CDH18: variants seen among roughly 807,000 people sequenced by gnomAD.
CDH18 encodes the protein cadherin-18.
Under a neutral mutation model 67.9 loss-of-function variants are expected in CDH18, and 31 were observed. The observed-to-expected ratio is 0.46, with a 90% CI of 0.34 to 0.62. CDH18 has a LOEUF of 0.62. Ranked by LOEUF, CDH18 falls within the 20% of genes least tolerant of loss-of-function variation. The pLI is 0.01. For missense variants in CDH18, 890 were observed against 975.5 expected, an observed-to-expected ratio of 0.91 and a Z score of 1.17; for synonymous variants, 362 against 347.2, an observed-to-expected ratio of 1.04 and a Z score of -0.48.
intron 1 of CDH18, among the ~76,000 whole-genome samples, chr5:20,361,493 C>A (rs924582315): frequency 6.6e-6 from 1 of 151,814 alleles, no homozygotes; most frequent in African/African-American, 2.4e-5. Flanking sequence ...TCTTTATGTT[C>A]TTATTGGAAT....
At chr5:20,311,481 T>A (rs1360509723) in intron 1 of CDH18, among the ~76,000 whole-genome samples, 1 of 152,126 alleles carries the variant, frequency 6.6e-6, no homozygotes, top group Non-Finnish European at 1.5e-5. Context: ...AAGGATAAGT[T>A]CATGTCCTTT....
chr5:19,975,029 A>C (rs1404356227), intron 2 of CDH18, among the ~76,000 whole-genome samples: 1 of 152,170 alleles, frequency 6.6e-6, no homozygotes, highest in East Asian at 1.9e-4. Flanking sequence ...CCAAGAAGGA[A>C]ATGTCATATA....
intron 1 of CDH18, among the ~76,000 whole-genome samples, chr5:20,543,265 A>G (rs967122789): frequency 2.1e-5 from 1 of 48,298 alleles, no homozygotes; most frequent in African/African-American, 5.5e-5. Flanking sequence ...TTAAAAACTT[A>G]TATTTCATCT....
At chr5:19,748,061 C>T (rs1399457758) in intron 3 of CDH18, among the ~76,000 whole-genome samples, 1 of 128,340 alleles carries the variant, frequency 7.8e-6, no homozygotes, top group African/African-American at 3.0e-5. Flanking sequence ...TGCAGTGAGC[C>T]GAGATCGCGC....
intron 10 of CDH18, among the ~76,000 whole-genome samples, chr5:19,508,425 CT>C (rs1017491581): frequency 2.6e-5 from 4 of 151,994 alleles, no homozygotes; most frequent in African/African-American, 9.7e-5. Context: ...CTAAGAATAT[CT>C]TTTTTGATTC....
intron 2 of CDH18, among the ~76,000 whole-genome samples, chr5:19,995,307 A>C (rs181465085): frequency 1.2e-4 from 18 of 152,266 alleles, no homozygotes; most frequent in African/African-American, 4.1e-4. Flanking sequence ...ATAGAAAACT[A>C]TCAGGCATAT....
intron 2 of CDH18, among the ~76,000 whole-genome samples, chr5:20,097,896 CTT>C (rs1746125511): frequency 6.6e-6 from 1 of 152,060 alleles, no homozygotes; most frequent in Admixed American, 6.5e-5. Flanking sequence ...GGAAATTCGA[CTT>C]TTGTGATAGT....
At chr5:20,068,706 A>C (rs1271843330) in intron 2 of CDH18, among the ~76,000 whole-genome samples, 1 of 152,178 alleles carries the variant, frequency 6.6e-6, no homozygotes, top group Non-Finnish European at 1.5e-5. Flanking sequence ...AGAGTTGGTG[A>C]AATATCTGTG....
chr5:20,093,952 C>A (rs1266572232), intron 2 of CDH18, among the ~76,000 whole-genome samples: 1 of 152,132 alleles, frequency 6.6e-6, no homozygotes, highest in South Asian at 2.1e-4. Flanking sequence ...ATACCCAATT[C>A]TCCAGTTTGG....
rs547876416 is a variant in CDH18, at chr5:19,569,980, TA to T, written c.1253+1598del. Among the ~76,000 whole-genome samples, 411 of 152,226 alleles carry T rather than the reference TA, an allele frequency of 2.7e-3. 4 individuals are homozygous for T. The highest frequency in any genetic ancestry group is 9.2e-3 in the African/African-American group (383 of 41,554). Reference sequence around the variant, plus strand: ...CAGAAATTATCATTAGTATCACCTTTAAAAAAATATTGTCAATGTTTATTTA... The same window carrying T: ...CAGAAATTATCATTAGTATCACCTTTAAAAAATATTGTCAATGTTTATTTA... On this transcript the variant is annotated intron_variant, in intron 8 of 12. Coordinates refer to ENST00000382275, the MANE Select transcript of CDH18 (RefSeq NM_004934.5).
At chr5:19,669,497 G>T (rs986416549) in intron 5 of CDH18, among the ~76,000 whole-genome samples, 1 of 151,684 alleles carries the variant, frequency 6.6e-6, no homozygotes, top group Non-Finnish European at 1.5e-5. Flanking sequence ...CTCCATGTTG[G>T]TCAGATTGGT....
intron 2 of CDH18, among the ~76,000 whole-genome samples, chr5:20,099,419 A>C (rs1267539296): frequency 6.6e-6 from 1 of 152,214 alleles, no homozygotes; most frequent in East Asian, 1.9e-4. Context: ...ACAACTCAAA[A>C]TAAAGATAAT....
intron 9 of CDH18, among the ~76,000 whole-genome samples, chr5:19,535,950 G>T (rs547868074): frequency 2.0e-5 from 3 of 152,246 alleles, no homozygotes; most frequent in Non-Finnish European, 4.4e-5. Flanking sequence ...TTAGTGCACA[G>T]AACAAGGTTA....
chr5:20,500,515 C>T lies in CDH18; in HGVS notation c.-580+74947G>A, dbSNP rs563479758. 9.2e-5 allele frequency among the ~76,000 whole-genome samples: 14 copies of T among 152,234 alleles called. No individual in the cohort carries two copies. In the South Asian group the frequency reaches 2.7e-3, roughly 29 times the overall value. On this transcript the variant is annotated intron_variant, in intron 1 of 14. Coordinates refer to the CDH18 transcript ENST00000507958. ...CTCGCCTCTAAATTATTGTGAACAT[C>T]TGGGAACAGGTATAATGGCCTTCAT...
intron 2 of CDH18, among the ~76,000 whole-genome samples, chr5:19,848,364 G>A (rs973441677): frequency 6.6e-6 from 1 of 152,086 alleles, no homozygotes; most frequent in Non-Finnish European, 1.5e-5. Flanking sequence ...ACCAGGGCGA[G>A]GTATTATGAT....
chr5:19,858,006 G>T (rs1400969308), intron 2 of CDH18, among the ~76,000 whole-genome samples: 1 of 152,086 alleles, frequency 6.6e-6, no homozygotes, highest in African/African-American at 2.4e-5. Context: ...CCTTGTTTGT[G>T]AGAATTCAAA....
chr5:19,781,827 A>G (rs1331557287), intron 3 of CDH18, among the ~76,000 whole-genome samples: 3 of 152,120 alleles, frequency 2.0e-5, no homozygotes, highest in African/African-American at 7.2e-5. Context: ...AGTGAGAGAA[A>G]ACATTAAGTT....
At chr5:19,585,000 A>AC (rs1277738243) in intron 7 of CDH18, among the ~76,000 whole-genome samples, 2 of 150,758 alleles carry the variant, frequency 1.3e-5, no homozygotes, top group Admixed American at 6.6e-5. Flanking sequence ...ATCTCCAAAA[A>AC]AAAAAAATTC....
chr5:20,220,902 A>G (rs1365399435), intron 2 of CDH18, among the ~76,000 whole-genome samples: 1 of 152,098 alleles, frequency 6.6e-6, no homozygotes, highest in Non-Finnish European at 1.5e-5. Context: ...GAAAAATTCA[A>G]ATGAAAACTA....
Sources: gnomAD v4.1 joint callset for allele counts (sites outside exome capture counted in the v4.1 genomes callset) on GRCh38, gnomAD v4.1.1 for gene constraint, MANE v1.5 for transcripts, NCBI Gene and HGNC (gene_info 2026-07-23, HGNC 2026-07-21) for gene names.